C4orf50: variants seen among roughly 807,000 people sequenced by gnomAD.
C4orf50 encodes uncharacterized protein C4orf50.
In C4orf50, 80 loss-of-function variants were observed where a neutral mutation model predicts 77.2. That is an observed-to-expected ratio of 1.04 (90% CI 0.87 to 1.25). The LOEUF (loss-of-function observed/expected upper bound fraction) is 1.25. C4orf50 is among the 50% of genes most tolerant of loss of function. The pLI is 0.00. For missense variants in C4orf50, 1,257 were observed against 1,152.9 expected (o/e 1.09, Z -1.31); for synonymous variants, 532 against 465.3 (o/e 1.14, Z -1.84).
intron 23 of C4orf50, among the ~76,000 whole-genome samples, chr4:6,012,683 G>T (rs916152526): frequency 1.3e-5 from 2 of 152,176 alleles, no homozygotes; most frequent in Non-Finnish European, 2.9e-5. Flanking sequence ...CATAGACATA[G>T]AACCCAGACT....
chr4:5,988,709 G>A (rs770325691), exon 28 of C4orf50: 375 of 1,535,902 alleles, frequency 2.4e-4, no homozygotes, highest in Middle Eastern at 3.3e-4. Context: ...CTCACCAAAC[G>A]CCCCTGATCC....
At position 5,900,615 on chromosome 4, in the gene C4orf50, T is replaced by G. The variant is rs1426421920; in HGVS notation, c.*2475-2427A>C. ...TGCATCAGACCAAGACCTAAAATTC[T>G]GAATCAGCAGAGCCTGCCCCATGGC... is the stretch of plus-strand genomic sequence containing the variant. On this transcript the variant is annotated intron_variant, in intron 7 of 7. Transcript: ENST00000324058. This position sits in a 1 kb window ranked among gnomAD's most constrained non-coding sequence, Gnocchi z 4.3. The G allele has an allele frequency of 6.6e-6, 1 of 152,238 alleles. No individual in the cohort carries two copies. The highest frequency in any genetic ancestry group is 2.4e-5 in the African/African-American group (1 of 41,452). 9.4% of individuals were successfully genotyped at this position (152,238 alleles called of 1,614,324 possible).
chr4:5,945,055 C>T (rs1718422424), intron 7 of C4orf50, among the ~76,000 whole-genome samples: 1 of 152,136 alleles, frequency 6.6e-6, no homozygotes, highest in Admixed American at 6.5e-5. Context: ...CCCCACATTT[C>T]CAAAATGATT....
At chr4:5,945,796 C>A (rs945903669) in intron 7 of C4orf50, among the ~76,000 whole-genome samples, 3 of 152,124 alleles carry the variant, frequency 2.0e-5, no homozygotes, top group Non-Finnish European at 4.4e-5. Context: ...GACCCTGGGC[C>A]GGGGCATCTG....
Position 6,008,124 on chromosome 4 carries a change from G to A in C4orf50, c.835C>T (p.Arg279Cys), listed in dbSNP as rs186646780. The A allele has an allele frequency of 5.0e-6, 2 of 399,040 alleles. No individual in the cohort carries two copies. Among genetic ancestry groups the A allele is most frequent in the South Asian group, 2.5e-4 (2 of 7,858 alleles). 24.7% of individuals were successfully genotyped at this position (399,040 alleles called of 1,614,324 possible). Reference sequence around the variant, plus strand: ...AGCTTCAGCCCATAGATGCAGCAGCGCAGCTCCTCCAGCTGCCCGCGGAGC... The same window carrying A: ...AGCTTCAGCCCATAGATGCAGCAGCACAGCTCCTCCAGCTGCCCGCGGAGC... The change falls in exon 25 of 34, where the codon CGC (arginine) becomes TGC (cysteine). Residue 279 changes from arginine (R) to cysteine (C), a missense_variant. Coordinates refer to ENST00000531445, the Ensembl canonical transcript of C4orf50. The surrounding 1 kb of genome is among the most constrained non-coding windows in gnomAD (Gnocchi z 6.0).
chr4:6,003,756 GAT>G (rs1387068153), intron 25 of C4orf50, among the ~76,000 whole-genome samples: 2 of 138,494 alleles, frequency 1.4e-5, no homozygotes, highest in African/African-American at 2.8e-5. Context: ...TGATGGTGAT[GAT>G]GTGATAGTGA....
rs181941622 is a variant in C4orf50 at position 5,946,804 on chromosome 4, C to T, written c.*2474+10097G>A. Among the ~76,000 whole-genome samples, 296 of 152,348 alleles carry T rather than the reference C, an allele frequency of 1.9e-3. 2 individuals carry two copies. Among genetic ancestry groups the T allele is most frequent in the African/African-American group, 6.9e-3 (287 of 41,576 alleles). On this transcript the variant is annotated intron_variant, in intron 7 of 7. Coordinates refer to the C4orf50 transcript ENST00000324058. Reference sequence around the variant, plus strand: ...ATAAAAATTGCTTCCCTCCTTTGTTCGGATGTGCTCTCGCCATTATTACAT... The same window carrying T: ...ATAAAAATTGCTTCCCTCCTTTGTTTGGATGTGCTCTCGCCATTATTACAT...
chr4:5,974,038 A>C (rs1306962925), intron 30 of C4orf50, among the ~76,000 whole-genome samples, 197 bp from the exon 9 acceptor site: 3 of 151,844 alleles, frequency 2.0e-5, no homozygotes, highest in East Asian at 3.9e-4. Flanking sequence ...ACGGCCACAC[A>C]CCCCCAGGGG....
chr4:5,953,100 T>A (rs928385270), downstream of C4orf50, among the ~76,000 whole-genome samples: 7 of 152,094 alleles, frequency 4.6e-5, no homozygotes, highest in African/African-American at 1.7e-4. Context: ...TGCTGTCAGT[T>A]CTTCCTCCTC....
chr4:5,964,283 G>A (rs528415361), intron 33 of C4orf50, among the ~76,000 whole-genome samples: 319 of 152,240 alleles, frequency 2.1e-3, no homozygotes, highest in Non-Finnish European at 3.5e-3. Flanking sequence ...AGGCTTTTAT[G>A]CCCTAGGAGT....
chr4:5,957,970 G>A (rs1193437746), exon 34 of C4orf50: 1 of 152,226 alleles, frequency 6.6e-6, no homozygotes, highest in Non-Finnish European at 1.5e-5. Flanking sequence ...GCTAAACTAC[G>A]TTAAAATAAA....
At chr4:5,973,883 G>T (rs1438930580) in intron 30 of C4orf50, 42 bp from the exon 9 acceptor site, 2 of 1,487,614 alleles carry the variant, frequency 1.3e-6, no homozygotes, top group African/African-American at 1.4e-5. Flanking sequence ...TCCCACCAGG[G>T]CTGCATGGCT....
At chr4:5,923,090 G>C (rs114452584) in intron 7 of C4orf50, among the ~76,000 whole-genome samples, 1 of 152,134 alleles carries the variant, frequency 6.6e-6, no homozygotes, top group Non-Finnish European at 1.5e-5. Flanking sequence ...GAGTAGACGC[G>C]ATTTTCCCTG....
At chr4:5,964,948 T>A (rs1223468908) in intron 33 of C4orf50, 76 bp downstream of exon 11, 4 of 1,437,092 alleles carry the variant, frequency 2.8e-6, no homozygotes, top group Non-Finnish European at 3.8e-6. Context: ...GCTTGGATAA[T>A]TTGCTAAGCT....
chr4:6,003,659 ATGATGG>A (rs1291187324), intron 25 of C4orf50, among the ~76,000 whole-genome samples: 2 of 62,904 alleles, frequency 3.2e-5, no homozygotes, highest in African/African-American at 5.6e-5. Context: ...GATGATGGTG[ATGATGG>A]TGATGGTGAT....
rs946746792 is a variant in C4orf50 at position 5,958,797 on chromosome 4, A to C, written c.*578T>G. On this transcript the variant is annotated 3_prime_UTR_variant, in exon 34 of 34. Coordinates refer to ENST00000531445, the Ensembl canonical transcript of C4orf50. This position sits in a 1 kb window ranked among gnomAD's most constrained non-coding sequence, Gnocchi z 5.4. ...ACTTAGGCGTTTCACTTAGTAGACA[A>C]AAAATCTTTTAAAACATGGGAAGGA... 2 of 152,496 alleles carry C rather than the reference A, an allele frequency of 1.3e-5. 1 individual carries two copies. The highest frequency in any genetic ancestry group is 4.8e-5 in the African/African-American group (2 of 41,574). The allele number at this position is 152,496 out of a possible 1,614,324, so 9.4% of individuals were successfully genotyped here. A position where few individuals can be genotyped will look rare whatever the true frequency, so the allele number is the denominator to read the frequency against.
intron 7 of C4orf50, chr4:5,898,525 G>C (rs936612934): frequency 6.6e-6 from 1 of 152,236 alleles, no homozygotes; most frequent in Non-Finnish European, 1.5e-5. Context: ...GTCGGCAGCA[G>C]AGCCGTCGCG....
intron 25 of C4orf50, among the ~76,000 whole-genome samples, chr4:5,996,696 A>G (rs954345416): frequency 8.5e-5 from 13 of 152,206 alleles, no homozygotes; most frequent in African/African-American, 3.1e-4. Flanking sequence ...CTCAAAGGCC[A>G]GGGGCCTCAG....
At chr4:5,980,623 G>C (rs557397361) in intron 28 of C4orf50, among the ~76,000 whole-genome samples, 1 of 152,056 alleles carries the variant, frequency 6.6e-6, no homozygotes, top group African/African-American at 2.4e-5. Flanking sequence ...CTTGGTTTCC[G>C]GAGGTGGGTG....
Sources: gnomAD v4.1 joint callset for allele counts (sites outside exome capture counted in the v4.1 genomes callset) on GRCh38, gnomAD v4.1.1 for gene constraint, Gnocchi (gnomAD v3.1) non-coding constraint, MANE v1.5 for transcripts, NCBI Gene and HGNC (gene_info 2026-07-23, HGNC 2026-07-21) for gene names.